Variants in IL1RAP observed in about 807,000 individuals in gnomAD.
IL1RAP encodes the protein interleukin 1 receptor accessory protein, also known as interleukin-1 receptor accessory protein.
A neutral mutation model predicts 60.7 loss-of-function variants in IL1RAP; 35 were observed. The ratio of observed to expected loss-of-function variants is 0.58; its 90% CI spans 0.44 to 0.76. IL1RAP has a LOEUF of 0.76. Ranked by LOEUF, IL1RAP falls within the 30% of genes least tolerant of loss-of-function variation. The pLI is 0.00. For synonymous variants in IL1RAP, 268 were observed against 250.9 expected (o/e 1.07, Z -0.64); for missense variants, 572 against 693.9 (o/e 0.82, Z 1.97).
At chr3:190,564,178 T>C in intron 2 of IL1RAP, 111 bp from the exon 3 acceptor site, 1 of 675,794 alleles carries the variant, frequency 1.5e-6, no homozygotes. Context: ...TATTGTAAAA[T>C]TCTTAGAACA....
intron 3 of IL1RAP, among the ~76,000 whole-genome samples, chr3:190,588,344 C>T (rs953502815): frequency 3.9e-5 from 6 of 152,210 alleles, no homozygotes; most frequent in African/African-American, 1.4e-4. Flanking sequence ...GATCTCTTGA[C>T]CTCGTGATCC....
chr3:190,641,064 C>T (rs1013030495), intron 9 of IL1RAP, among the ~76,000 whole-genome samples: 2 of 152,186 alleles, frequency 1.3e-5, no homozygotes, highest in Non-Finnish European at 2.9e-5. Flanking sequence ...CTCCCAGGTT[C>T]AAGCGATTCT....
At chr3:190,618,408 G>T (rs540939748) in intron 5 of IL1RAP, among the ~76,000 whole-genome samples, 14 of 152,180 alleles carry the variant, frequency 9.2e-5, no homozygotes, top group East Asian at 5.8e-4. Flanking sequence ...CTGAGGAGAG[G>T]TATTCATTCT....
chr3:190,654,983 C>A (rs1253690354), downstream of IL1RAP, among the ~76,000 whole-genome samples: 1 of 152,046 alleles, frequency 6.6e-6, no homozygotes, highest in African/African-American at 2.4e-5. Flanking sequence ...TAATTCTTAC[C>A]CATTTTCATT....
At chr3:190,529,144 T>C (rs566145985) in intron 1 of IL1RAP, among the ~76,000 whole-genome samples, 2 of 152,274 alleles carry the variant, frequency 1.3e-5, no homozygotes, top group South Asian at 2.1e-4. Flanking sequence ...TTTGATGATA[T>C]AGGTGTTCTG....
intron 1 of IL1RAP, among the ~76,000 whole-genome samples, chr3:190,555,020 A>G (rs1725280469): frequency 6.6e-6 from 1 of 152,176 alleles, no homozygotes; most frequent in African/African-American, 2.4e-5. Context: ...TTCTCTCGAG[A>G]GTCTCATAGA....
chr3:190,535,186 C>T (rs1474846155), intron 1 of IL1RAP, among the ~76,000 whole-genome samples: 6 of 152,150 alleles, frequency 3.9e-5, no homozygotes, highest in Non-Finnish European at 7.3e-5. Flanking sequence ...GACATATCAA[C>T]CCTGCGGCCT....
rs373119585 is a variant in IL1RAP, at chr3:190,635,841, G to A, written c.1051+6343G>A. On this transcript the variant is annotated intron_variant, in intron 9 of 11. Transcript: ENST00000447382. ...GAACTACCTGAGAGAACTACATTAC[G>A]GAGTGGAGAAACATAGGTTTTTGTT... Among the ~76,000 whole-genome samples, 15 of 152,248 alleles carry A rather than the reference G, an allele frequency of 9.9e-5. No individual in the cohort carries two copies. The South Asian group carries it at 3.1e-3, about 32-fold the overall frequency.
chr3:190,650,674 AAAAAGTAG>A lies in IL1RAP; in HGVS notation c.*1978_*1985del. The A allele has an allele frequency of 1.0e-6, 1 of 954,544 alleles. No individual in the cohort carries two copies. The highest frequency in any genetic ancestry group is 1.2e-6 in the Non-Finnish European group (1 of 801,870). The allele number at this position is 954,544 out of a possible 1,614,324, so 59.1% of individuals were successfully genotyped here. On this transcript the variant is annotated 3_prime_UTR_variant, in exon 12 of 12. Transcript: ENST00000447382. Reference sequence around the variant, plus strand: ...ATTGAAAAAAGTTTCACTTGGATGAAAAAAGTAGAAAAGTAGGTCATTCTTGGATCTAC... The same window carrying A: ...ATTGAAAAAAGTTTCACTTGGATGAAAAAAGTAGGTCATTCTTGGATCTAC...
chr3:190,600,986 T>G (rs1729807011), intron 3 of IL1RAP, among the ~76,000 whole-genome samples: 1 of 152,206 alleles, frequency 6.6e-6, no homozygotes, highest in Admixed American at 6.5e-5. Context: ...TTTAATTTTC[T>G]TTTCTTTTCT....
chr3:190,654,014 T>C (rs79338676), downstream of IL1RAP, among the ~76,000 whole-genome samples: 1,578 of 152,248 alleles, frequency 0.01, 30 homozygotes, highest in African/African-American at 0.036. Flanking sequence ...CTCTTTCAAA[T>C]CTAAACTTCC....
intron 1 of IL1RAP, among the ~76,000 whole-genome samples, chr3:190,543,874 T>C (rs1351064317): frequency 1.3e-5 from 2 of 152,162 alleles, no homozygotes; most frequent in Non-Finnish European, 2.9e-5. Flanking sequence ...CAAATTGCTT[T>C]GGGCTTTGTC....
chr3:190,609,320 T>A, intron 5 of IL1RAP, 139 bp downstream of exon 5: 1 of 564,918 alleles, frequency 1.8e-6, no homozygotes, highest in Non-Finnish European at 3.0e-6. Context: ...ATGGAAGTAT[T>A]TCAGCACGTC....
intron 1 of IL1RAP, among the ~76,000 whole-genome samples, chr3:190,514,558 C>CT (rs1469017435): frequency 8.2e-5 from 12 of 146,454 alleles, no homozygotes; most frequent in Admixed American, 4.1e-4. Context: ...CCGCCCCCAT[C>CT]TCCTCCTTGG....
exon 12 of IL1RAP, chr3:190,656,582 A>G (rs1277703550): frequency 5.2e-6 from 8 of 1,529,596 alleles, no homozygotes; most frequent in Admixed American, 4.0e-5. Flanking sequence ...GACTTATCCA[A>G]TAACAACGAC....
At chr3:190,534,530 T>G (rs1258455662) in intron 1 of IL1RAP, among the ~76,000 whole-genome samples, 2 of 152,212 alleles carry the variant, frequency 1.3e-5, no homozygotes, top group African/African-American at 4.8e-5. Context: ...ACCATAAATC[T>G]TCACAAAGTC....
At chr3:190,534,225 C>A (rs189215631) in intron 1 of IL1RAP, among the ~76,000 whole-genome samples, 1 of 151,892 alleles carries the variant, frequency 6.6e-6, no homozygotes, top group East Asian at 1.9e-4. Flanking sequence ...ATAAGATGAT[C>A]TTTCCCCTCA....
Position 190,648,986 on chromosome 3 carries a change from T to C in IL1RAP, c.*281T>C. 8.9e-7 allele frequency: 1 copy of C among 1,121,888 alleles called. No individual in the cohort carries two copies. Among genetic ancestry groups the C allele is most frequent in the African/African-American group, 1.6e-5 (1 of 61,902 alleles). 69.5% of individuals were successfully genotyped at this position (1,121,888 alleles called of 1,614,324 possible). ...CGAATTTCCCCTTCTACATTGTCTATCCCTGTTTTTATATGTCTCCATTCT... is the reference window on the plus strand; with the variant it reads ...CGAATTTCCCCTTCTACATTGTCTACCCCTGTTTTTATATGTCTCCATTCT... On this transcript the variant is annotated 3_prime_UTR_variant, in exon 12 of 12. Transcript: ENST00000447382.
chr3:190,524,924 ATG>A (rs1335054671), intron 1 of IL1RAP, among the ~76,000 whole-genome samples: 1 of 152,128 alleles, frequency 6.6e-6, no homozygotes, highest in Non-Finnish European at 1.5e-5. Flanking sequence ...ATATAAGTGT[ATG>A]TGTGTATTTT....
Sources: allele counts gnomAD v4.1 joint callset (sites outside exome capture counted in the v4.1 genomes callset), GRCh38; gene constraint gnomAD v4.1.1; transcripts MANE v1.5; gene names NCBI Gene and HGNC (gene_info 2026-07-23, HGNC 2026-07-21).